LAMC3: variants seen among roughly 807,000 people sequenced by gnomAD.
The protein encoded by LAMC3 is laminin subunit gamma 3.
A neutral mutation model predicts 173.8 loss-of-function variants in LAMC3; 128 were observed. The observed-to-expected ratio is 0.74, with a 90% CI of 0.64 to 0.85. LAMC3 has a LOEUF of 0.85. LAMC3 is among the 40% of genes least tolerant of loss of function. The pLI is 0.00. For synonymous variants in LAMC3, 897 were observed against 909.1 expected (o/e 0.99, Z 0.24); for missense variants, 2,022 against 2,156.0 (o/e 0.94, Z 1.23).
At chr9:131,056,856 G>A (rs1034730730) in intron 11 of LAMC3, 73 bp from the exon 12 acceptor site, 38 of 1,203,776 alleles carry the variant, frequency 3.2e-5, no homozygotes, top group Non-Finnish European at 4.4e-5. Context: ...TATGTGAACA[G>A]GAAGGTTTTG....
At chr9:131,039,269 A>G in intron 6 of LAMC3, 21 bp downstream of exon 6, 1 of 1,575,430 alleles carries the variant, frequency 6.3e-7, no homozygotes, top group South Asian at 1.1e-5. Context: ...GGGGCGGCCC[A>G]GTATGGACAC....
rs142819818 is a variant in LAMC3, at chr9:131,038,962, A to G, written c.1075A>G (p.Thr359Ala). The G allele has an allele frequency of 8.7e-6, 14 of 1,613,260 alleles. No individual in the cohort carries two copies. The African/African-American group carries it at 1.9e-4, about 22-fold the overall frequency. Residue 359 changes from threonine (T) to alanine (A), a missense_variant, in exon 5 of 28, where the codon ACA (threonine) becomes GCA (alanine). Coordinates refer to ENST00000361069, the MANE Select transcript of LAMC3 (RefSeq NM_006059.4). ...GCGCTGTCACCACTGCCGTGACCAC[A>G]CAGCTGGGCCACACTGTGAGCGCTG... ...GGRCHHCRDH[T>A]AGPHCERCQE...
At chr9:131,070,720 A>C (rs1467174902) in intron 17 of LAMC3, among the ~76,000 whole-genome samples, 2 of 152,188 alleles carry the variant, frequency 1.3e-5, no homozygotes, top group East Asian at 3.9e-4. Flanking sequence ...TCTAAAAAAA[A>C]AAAGATGCAT....
In LAMC3 at chr9:131,009,422, G is replaced by A; in HGVS notation, c.208G>A (p.Ala70Thr). 1.3e-6 allele frequency: 2 copies of A among 1,542,160 alleles called. No individual in the cohort carries two copies. Among genetic ancestry groups the A allele is most frequent in the Non-Finnish European group, 1.7e-6 (2 of 1,145,328 alleles). ...DFCPHVGAAG[A>T]GAHCQRCDAA... ...CTGTCCCCACGTGGGCGCCGCGGGC[G>A]CGGGGGCTCATTGCCAGCGCTGCGA... Residue 70 changes from alanine to threonine, a missense_variant, in exon 1 of 28, where the codon GCG (alanine) becomes ACG (threonine). By Grantham distance (58) the Ala-to-Thr change is moderately conservative. Coordinates refer to ENST00000361069, the MANE Select transcript of LAMC3 (RefSeq NM_006059.4). This position sits in a 1 kb window ranked among gnomAD's most constrained non-coding sequence, Gnocchi z 4.3.
At chr9:131,040,666 C>A (rs1834033281) in intron 6 of LAMC3, among the ~76,000 whole-genome samples, 1 of 152,094 alleles carries the variant, frequency 6.6e-6, no homozygotes, top group Non-Finnish European at 1.5e-5. Context: ...GTCCTCTGGA[C>A]CTTTGCAGGT....
chr9:131,034,945 T>TATTC (rs1437297022), intron 3 of LAMC3, among the ~76,000 whole-genome samples: 3 of 138,096 alleles, frequency 2.2e-5, no homozygotes, highest in African/African-American at 7.5e-5. Flanking sequence ...GATGATTATT[T>TATTC]ATTTATTTAT....
In LAMC3 at chr9:131,072,829, G is replaced by A. The variant is rs376679168; in HGVS notation, c.3411G>A (p.Ala1137=). ...EEILHAAAIL[A]SLEIPQEGPS... is the part of the protein sequence containing the mutation. ...TTCTGCATGCAGCTGCCATTCTCGC[G>A]TCTCTGGTATCCCAGGGGACCCCCC... The change falls in exon 19 of 28, where the codon GCG becomes GCA. Residue 1137 remains alanine (A), a synonymous_variant. Transcript: ENST00000361069. 1.6e-4 allele frequency: 259 copies of A among 1,610,418 alleles called. 1 individual carries two copies. The South Asian group carries it at 1.6e-3, about 10-fold the overall frequency.
At chr9:131,022,779 T>C (rs1357138256) in intron 1 of LAMC3, among the ~76,000 whole-genome samples, 1 of 152,092 alleles carries the variant, frequency 6.6e-6, no homozygotes, top group Non-Finnish European at 1.5e-5. Flanking sequence ...GATCTTGCTA[T>C]GTTACCCAGG....
intron 4 of LAMC3, among the ~76,000 whole-genome samples, chr9:131,037,031 C>G (rs1286696687): frequency 6.6e-6 from 1 of 152,236 alleles, no homozygotes; most frequent in African/African-American, 2.4e-5. Context: ...CTGGACCCCG[C>G]TGTCCTCTTG....
intron 3 of LAMC3, among the ~76,000 whole-genome samples, chr9:131,034,071 G>C (rs914998871): frequency 1.3e-5 from 2 of 152,182 alleles, no homozygotes; most frequent in African/African-American, 4.8e-5. Flanking sequence ...CTGTCAGGGG[G>C]CTTCGGGCCA....
chr9:131,084,755 C>G (rs186528507), intron 24 of LAMC3, among the ~76,000 whole-genome samples: 1 of 151,552 alleles, frequency 6.6e-6, no homozygotes, highest in Non-Finnish European at 1.5e-5. Flanking sequence ...AAATACCAGC[C>G]GTGTATGGTG....
chr9:131,087,681 C>T (rs377071830), intron 26 of LAMC3, 37 bp from the exon 27 acceptor site: 67 of 1,613,412 alleles, frequency 4.2e-5, no homozygotes, highest in South Asian at 1.4e-4. Context: ...CGGGTGGGGA[C>T]GCCATTCAAG....
intron 12 of LAMC3, among the ~76,000 whole-genome samples, chr9:131,058,521 C>T (rs1046520971): frequency 6.6e-6 from 1 of 152,138 alleles, no homozygotes; most frequent in African/African-American, 2.4e-5. Flanking sequence ...ACACTGACGG[C>T]TTCATGCCTA....
intron 3 of LAMC3, among the ~76,000 whole-genome samples, chr9:131,032,673 G>GCT (rs1025373572): frequency 3.0e-4 from 41 of 138,014 alleles, no homozygotes; most frequent in Admixed American, 8.7e-4. Context: ...ACTCTCTCTC[G>GCT]CTCTCTCTCT....
At chr9:131,036,430 G>C in intron 4 of LAMC3, 98 bp downstream of exon 4, 1 of 1,405,652 alleles carries the variant, frequency 7.1e-7, no homozygotes, top group Non-Finnish European at 9.9e-7. Flanking sequence ...GCTGCTCCTG[G>C]GTACGCCCCG....
At position 131,091,574 on chromosome 9, in the gene LAMC3, G is replaced by T; in HGVS notation, c.4515G>T (p.Leu1505=). The T allele has an allele frequency of 6.3e-7, 1 of 1,589,326 alleles. No homozygotes were observed. Among genetic ancestry groups the T allele is most frequent in the Non-Finnish European group, 8.6e-7 (1 of 1,168,066 alleles). ...LDTHQAPAQA[L]NETQWALERL... ...CCCATCAAGCCCCAGCCCAGGCCCT[G>T]AACGAGACTCAGTGGGCACTAGAAC... The change falls in exon 28 of 28, where the codon CTG becomes CTT. Residue 1505 remains leucine (L), a synonymous_variant. Transcript: ENST00000361069.
intron 11 of LAMC3, among the ~76,000 whole-genome samples, chr9:131,053,765 G>A (rs1406267106): frequency 3.3e-5 from 5 of 151,964 alleles, no homozygotes; most frequent in Non-Finnish European, 5.9e-5. Context: ...CCCAGGAGGC[G>A]GAGGTTGTAG....
At chr9:131,045,793 G>T in intron 8 of LAMC3, 133 bp downstream of exon 8, 1 of 1,153,616 alleles carries the variant, frequency 8.7e-7, no homozygotes. Context: ...CAGCCTAGGT[G>T]GGGTCGGGGG....
chr9:131,043,848 A>C (rs1834099472), intron 7 of LAMC3, among the ~76,000 whole-genome samples: 1 of 152,054 alleles, frequency 6.6e-6, no homozygotes, highest in Non-Finnish European at 1.5e-5. Context: ...AATATCTATT[A>C]ATTACTGGGG....
Sources: gnomAD v4.1 joint callset for allele counts (sites outside exome capture counted in the v4.1 genomes callset) on GRCh38, gnomAD v4.1.1 for gene constraint, Gnocchi (gnomAD v3.1) non-coding constraint, MANE v1.5 for transcripts, NCBI Gene and HGNC (gene_info 2026-07-23, HGNC 2026-07-21) for gene names.